SPATA22: variants seen among roughly 807,000 people sequenced by gnomAD.
The protein encoded by SPATA22 is spermatogenesis-associated protein 22.
Under a neutral mutation model 47.8 loss-of-function variants are expected in SPATA22, and 29 were observed. The observed-to-expected ratio is 0.61, with a 90% confidence interval of 0.45 to 0.83. The LOEUF is 0.83. Among genes scored for constraint, SPATA22 ranks in the 40% least tolerant of loss-of-function variants. SPATA22 has a pLI of 0.00. For missense variants in SPATA22, 410 were observed against 421.7 expected (o/e 0.97, Z 0.24); for synonymous variants, 133 against 140.9 (o/e 0.94, Z 0.40).
intron 1 of SPATA22, chr17:3,503,227 G>GAATA (rs971318275): frequency 6.6e-6 from 1 of 152,080 alleles, no homozygotes; most frequent in African/African-American, 2.4e-5. Flanking sequence ...ATGAATGAAT[G>GAATA]AATAAATATT....
At chr17:3,500,736 C>T (rs2073979996) in intron 1 of SPATA22, 1 of 151,692 alleles carries the variant, frequency 6.6e-6, no homozygotes, top group South Asian at 2.1e-4. Context: ...GATCTCCTGA[C>T]CTCATGATCC....
In SPATA22 at chr17:3,469,400, T is replaced by C. The variant is rs920865038; in HGVS notation, c.-73-2A>G. 2 of 1,161,806 alleles carry C rather than the reference T, an allele frequency of 1.7e-6. No individual in the cohort carries two copies. The highest frequency in any genetic ancestry group is 3.1e-5 in the African/African-American group (2 of 64,458). 72.0% of individuals were successfully genotyped at this position (1,161,806 alleles called of 1,614,324 possible). On this transcript the variant is annotated splice_acceptor_variant, in intron 1 of 8. Transcript: ENST00000572969. LOFTEE classifies it low-confidence loss of function (5UTR_SPLICE). Reference sequence around the variant, plus strand: ...TAATATGACATTGTCCCACTAGACCTGCAAAGAAAGAAACTTATAACTCGT... The same window carrying C: ...TAATATGACATTGTCCCACTAGACCCGCAAAGAAAGAAACTTATAACTCGT...
At chr17:3,489,774 T>C (rs923375) in intron 1 of SPATA22, among the ~76,000 whole-genome samples, 35,556 of 151,964 alleles carry the variant, frequency 0.23, 5,101 homozygotes, top group African/African-American at 0.41. Context: ...AGTGAACATA[T>C]AAGTTGGTAA....
intron 1 of SPATA22, among the ~76,000 whole-genome samples, chr17:3,470,591 A>G (rs901820299): frequency 4.6e-5 from 7 of 151,690 alleles, no homozygotes; most frequent in Admixed American, 2.0e-4. Context: ...CTACTAAAAA[A>G]TACAAAAAAA....
chr17:3,447,419 C>G (rs774110474), intron 6 of SPATA22, among the ~76,000 whole-genome samples: 2 of 149,184 alleles, frequency 1.3e-5, no homozygotes, highest in Admixed American at 1.4e-4. Context: ...CCTCTTCCCC[C>G]GCTTAACGAA....
intron 1 of SPATA22, among the ~76,000 whole-genome samples, chr17:3,508,306 T>C (rs1052632475): frequency 1.3e-5 from 2 of 151,264 alleles, no homozygotes; most frequent in South Asian, 4.2e-4. Context: ...TTGGTGGGAC[T>C]GTAAACTAGT....
intron 6 of SPATA22, among the ~76,000 whole-genome samples, chr17:3,448,108 C>T (rs892430645): frequency 6.6e-6 from 1 of 152,180 alleles, no homozygotes; most frequent in Non-Finnish European, 1.5e-5. Flanking sequence ...TAAACCAAAG[C>T]ACAGAGTGTA....
At chr17:3,465,751 G>A (rs529507521) in intron 3 of SPATA22, among the ~76,000 whole-genome samples, 1 of 146,310 alleles carries the variant, frequency 6.8e-6, no homozygotes, top group East Asian at 2.0e-4. Context: ...ATCCCCCTCT[G>A]TGAGAAACAC....
chr17:3,451,950 TAAA>T (rs1322872514), intron 5 of SPATA22, among the ~76,000 whole-genome samples: 1 of 126,616 alleles, frequency 7.9e-6, no homozygotes, highest in Non-Finnish European at 1.7e-5. Context: ...CTGTCTCAAT[TAAA>T]AAAAAAAAAA....
At chr17:3,513,657 C>T in exon 1 of SPATA22, 2 of 384,084 alleles carry the variant, frequency 5.2e-6, no homozygotes, top group African/African-American at 4.1e-5. Flanking sequence ...TCAGGAGGCT[C>T]CCAGGCTCCA....
intron 1 of SPATA22, among the ~76,000 whole-genome samples, chr17:3,498,735 C>T (rs1420887377): frequency 6.6e-6 from 1 of 152,208 alleles, no homozygotes; most frequent in Non-Finnish European, 1.5e-5. Context: ...CCAATGTCAG[C>T]GCAGTCAGAT....
chr17:3,479,755 T>A (rs543012126), intron 1 of SPATA22, among the ~76,000 whole-genome samples: 1 of 152,262 alleles, frequency 6.6e-6, no homozygotes, highest in South Asian at 2.1e-4. Flanking sequence ...CCTGATCTCA[T>A]TCCAGGCAGG....
intron 5 of SPATA22, among the ~76,000 whole-genome samples, chr17:3,459,412 A>C (rs2073074618): frequency 6.6e-6 from 1 of 152,092 alleles, no homozygotes; most frequent in South Asian, 2.1e-4. Flanking sequence ...TTTTTTAAAA[A>C]ATACTTTTTT....
intron 8 of SPATA22, 104 bp from the exon 9 acceptor site, chr17:3,440,442 C>T (rs558022119): frequency 2.4e-4 from 226 of 944,248 alleles, no homozygotes; most frequent in Non-Finnish European, 2.9e-4. Context: ...CCTCAAAATG[C>T]TATAATTCCT....
chr17:3,458,913 T>C (rs1317331433), intron 5 of SPATA22, among the ~76,000 whole-genome samples: 1 of 102,184 alleles, frequency 9.8e-6, no homozygotes, highest in East Asian at 2.5e-4. Flanking sequence ...AAGTGACAGA[T>C]AAATGGACTA....
In SPATA22 at chr17:3,440,067, G is replaced by A. The variant is rs561157420; in HGVS notation, c.*80C>T. 33 of 831,842 alleles carry A rather than the reference G, an allele frequency of 4.0e-5. No homozygotes were observed. In the South Asian group the frequency reaches 1.1e-3, roughly 27 times the overall value. The allele number at this position is 831,842 out of a possible 1,614,324, so 51.5% of individuals were successfully genotyped here. On this transcript the variant is annotated 3_prime_UTR_variant, in exon 9 of 9. Transcript: ENST00000572969. ...ATTCAACAAGTGAAATACAATAGTAGCTATAAAACTATGGAGATGGTAAAT... is the reference window on the plus strand; with the variant it reads ...ATTCAACAAGTGAAATACAATAGTAACTATAAAACTATGGAGATGGTAAAT...
chr17:3,487,875 T>C (rs972898387), intron 1 of SPATA22, among the ~76,000 whole-genome samples: 7 of 152,250 alleles, frequency 4.6e-5, no homozygotes, highest in Non-Finnish European at 7.3e-5. Flanking sequence ...TTCTATAGTA[T>C]TCCTACAGAC....
chr17:3,487,787 G>A (rs543329548), intron 1 of SPATA22, among the ~76,000 whole-genome samples: 2 of 152,258 alleles, frequency 1.3e-5, no homozygotes, highest in South Asian at 4.1e-4. Context: ...TTGAAGATTG[G>A]AAGCCCAACT....
intron 1 of SPATA22, among the ~76,000 whole-genome samples, chr17:3,496,817 A>G (rs2073915553): frequency 6.6e-6 from 1 of 152,226 alleles, no homozygotes; most frequent in Non-Finnish European, 1.5e-5. Flanking sequence ...CTGTAATCCC[A>G]GCGCTTTGGG....
Sources: allele counts gnomAD v4.1 joint callset (sites outside exome capture counted in the v4.1 genomes callset), GRCh38; gene constraint gnomAD v4.1.1; transcripts MANE v1.5; gene names NCBI Gene and HGNC (gene_info 2026-07-23, HGNC 2026-07-21).